ANKRD13C: variants seen among roughly 807,000 people sequenced by gnomAD.
ANKRD13C encodes ankyrin repeat domain 13C.
ANKRD13C carries 16 observed loss-of-function variants against 65.5 expected under a neutral mutation model. The observed-to-expected ratio is 0.24, with a 90% CI of 0.17 to 0.37. The LOEUF is 0.37. Among genes scored for constraint, ANKRD13C ranks in the 10% least tolerant of loss-of-function variants. The pLI, the probability that ANKRD13C is intolerant of heterozygous loss-of-function variation, is 1.00. For synonymous variants in ANKRD13C, 235 were observed against 238.7 expected (o/e 0.98, Z 0.14); for missense variants, 503 against 655.9 (o/e 0.77, Z 2.55).
intron 4 of ANKRD13C, among the ~76,000 whole-genome samples, chr1:70,314,542 T>C (rs1485623855): frequency 6.6e-6 from 1 of 152,030 alleles, no homozygotes; most frequent in Admixed American, 6.6e-5. Flanking sequence ...AATTTTATTT[T>C]GCAAATTAGA....
intron 8 of ANKRD13C, among the ~76,000 whole-genome samples, chr1:70,295,787 G>C (rs1680058260): frequency 6.6e-6 from 1 of 152,182 alleles, no homozygotes. Context: ...CAGGGAAATA[G>C]AGTCAAGTTT....
At chr1:70,305,321 G>A (rs1049419761) in intron 6 of ANKRD13C, among the ~76,000 whole-genome samples, 2 of 152,048 alleles carry the variant, frequency 1.3e-5, no homozygotes, top group Admixed American at 6.6e-5. Context: ...GAAGTCAGAA[G>A]TCCTGGTTCA....
intron 11 of ANKRD13C, among the ~76,000 whole-genome samples, chr1:70,271,486 C>G (rs983577334): frequency 1.3e-5 from 2 of 152,050 alleles, no homozygotes; most frequent in Admixed American, 6.6e-5. Context: ...TAGCATTTTT[C>G]TTTGAAAAAA....
intron 5 of ANKRD13C, among the ~76,000 whole-genome samples, chr1:70,313,487 A>G (rs181058141): frequency 2.0e-5 from 3 of 151,380 alleles, no homozygotes; most frequent in African/African-American, 7.3e-5. Context: ...CTATGATCGT[A>G]CCACTGCACT....
At chr1:70,326,957 A>G (rs1227053443) in intron 2 of ANKRD13C, among the ~76,000 whole-genome samples, 1 of 151,730 alleles carries the variant, frequency 6.6e-6, no homozygotes, top group African/African-American at 2.4e-5. Flanking sequence ...ATGCAATGCT[A>G]CCTAATAAAT....
chr1:70,274,496 AG>A lies in ANKRD13C; in HGVS notation c.1394+223del, dbSNP rs374565347. On this transcript the variant is annotated intron_variant, in intron 11 of 12. Transcript: ENST00000370944. ...CTCAAAAAAAAAAAAAAAAAAAAAA[AG>A]AAAGAAAGAAAATCTACTCAAAAAT... Among the ~76,000 whole-genome samples, 1,019 of 145,054 alleles carry A rather than the reference AG, an allele frequency of 7.0e-3. 19 individuals are homozygous for A. The highest frequency in any genetic ancestry group is 0.026 in the African/African-American group (945 of 36,798).
rs1678344150 is a variant in ANKRD13C, at chr1:70,260,269, A to G, written c.*2448T>C. Among the ~76,000 whole-genome samples, 1 of 152,158 alleles carries G rather than the reference A, an allele frequency of 6.6e-6. No homozygotes were observed. Among genetic ancestry groups the G allele is most frequent in the Non-Finnish European group, 1.5e-5 (1 of 67,990 alleles). On this transcript the variant is annotated 3_prime_UTR_variant, in exon 13 of 13. Transcript: ENST00000370944. Reference sequence around the variant, plus strand: ...CAATTCTCTGTATGTGAATATCTACAGAGGGCAAATTGTCTCATCAGAGAA... The same window carrying G: ...CAATTCTCTGTATGTGAATATCTACGGAGGGCAAATTGTCTCATCAGAGAA...
intron 12 of ANKRD13C, among the ~76,000 whole-genome samples, chr1:70,270,506 T>A (rs2101117072): frequency 6.6e-6 from 1 of 152,322 alleles, no homozygotes; most frequent in East Asian, 1.9e-4. Context: ...TTCCACAGAC[T>A]GGTGGGGACT....
chr1:70,351,150 G>A (rs1434114871), intron 1 of ANKRD13C, among the ~76,000 whole-genome samples: 1 of 152,196 alleles, frequency 6.6e-6, no homozygotes, highest in African/African-American at 2.4e-5. Context: ...CTGCTGTGAG[G>A]ATTAAATGTT....
At chr1:70,288,117 A>C (rs1679701336) in intron 9 of ANKRD13C, among the ~76,000 whole-genome samples, 1 of 152,362 alleles carries the variant, frequency 6.6e-6, no homozygotes, top group Admixed American at 6.5e-5. Flanking sequence ...AGAAGAGGAT[A>C]TACAGATAGC....
intron 9 of ANKRD13C, among the ~76,000 whole-genome samples, chr1:70,288,734 A>T (rs1402512685): frequency 6.6e-6 from 1 of 152,174 alleles, no homozygotes; most frequent in African/African-American, 2.4e-5. Context: ...GGCATAAGGG[A>T]CAGAGAGAGG....
At chr1:70,348,358 AACCTCC>A (rs1682615073) in intron 1 of ANKRD13C, among the ~76,000 whole-genome samples, 1 of 151,552 alleles carries the variant, frequency 6.6e-6, no homozygotes, top group South Asian at 2.1e-4. Context: ...AGCTCACCCC[AACCTCC>A]ACCTCCCAGT....
intron 12 of ANKRD13C, among the ~76,000 whole-genome samples, chr1:70,265,774 G>A (rs1678589280): frequency 7.5e-6 from 1 of 133,562 alleles, no homozygotes; most frequent in African/African-American, 2.8e-5. Context: ...GCAGTGAGCC[G>A]AGATCATGCC....
chr1:70,270,243 A>C (rs1215956341), intron 12 of ANKRD13C, among the ~76,000 whole-genome samples: 1 of 152,214 alleles, frequency 6.6e-6, no homozygotes, highest in Non-Finnish European at 1.5e-5. Context: ...ATTTCACATG[A>C]AAAACATTAT....
intron 3 of ANKRD13C, among the ~76,000 whole-genome samples, chr1:70,323,738 T>A (rs1257187643): frequency 6.6e-6 from 1 of 151,858 alleles, no homozygotes; most frequent in African/African-American, 2.4e-5. Flanking sequence ...TTTTTTTTTT[T>A]TTTGAGACAG....
Position 70,336,772 on chromosome 1 carries a change from G to C in ANKRD13C, c.431-673C>G, listed in dbSNP as rs541402125. Among the ~76,000 whole-genome samples the C allele has an allele frequency of 3.3e-5, 5 of 152,076 alleles. No individual in the cohort carries two copies. In the South Asian group the frequency reaches 1.0e-3, roughly 32 times the overall value. On this transcript the variant is annotated intron_variant, in intron 1 of 12. Transcript: ENST00000370944. Reference sequence around the variant, plus strand: ...CAAACAAACAGTTATTATTAGTGGGGGTGAAGAAGTTATAGAAAACAGTAA... The same window carrying C: ...CAAACAAACAGTTATTATTAGTGGGCGTGAAGAAGTTATAGAAAACAGTAA...
At position 70,296,228 on chromosome 1, in the gene ANKRD13C, T is replaced by C; in HGVS notation, c.955A>G (p.Ile319Val). The change falls in exon 8 of 13, where the codon ATT becomes GTT. Residue 319 changes from isoleucine to valine, a missense_variant. Ile to Val is a conservative substitution (Grantham distance 29). Transcript: ENST00000370944. ...GAGTAAATATCACTGCTCATTAAAA[T>C]ATCCACCTCTTCTTCTGTTTCCATC... The part of the protein sequence containing the change: ...SEMETEEEVD[I>V]LMSSDIYSAT... 6.2e-7 allele frequency: 1 copy of C among 1,613,816 alleles called. No homozygotes were observed. Among genetic ancestry groups the C allele is most frequent in the East Asian group, 2.2e-5 (1 of 44,840 alleles).
chr1:70,351,427 T>A (rs371621354), intron 1 of ANKRD13C, among the ~76,000 whole-genome samples: 1 of 152,026 alleles, frequency 6.6e-6, no homozygotes, highest in East Asian at 1.9e-4. Flanking sequence ...TGAGACGGAG[T>A]CTCACTCTGT....
chr1:70,291,171 C>T (rs1464121276), intron 9 of ANKRD13C, among the ~76,000 whole-genome samples: 3 of 152,052 alleles, frequency 2.0e-5, no homozygotes, highest in African/African-American at 7.2e-5. Context: ...GCTGGGATTA[C>T]AGGCATGTGT....
Sources: gnomAD v4.1 joint callset for allele counts (sites outside exome capture counted in the v4.1 genomes callset) on GRCh38, gnomAD v4.1.1 for gene constraint, MANE v1.5 for transcripts, NCBI Gene and HGNC (gene_info 2026-07-23, HGNC 2026-07-21) for gene names.